The following RBPJ variants were observed in gnomAD, a reference collection of about 807,000 sequenced individuals.
RBPJ encodes recombining binding protein suppressor of hairless.
In RBPJ, 9 loss-of-function variants were observed where a neutral mutation model predicts 67.8. That is an observed-to-expected ratio of 0.13 (90% CI 0.08 to 0.23). The LOEUF is 0.23. RBPJ is among the 10% of genes least tolerant of loss of function. The probability of loss-of-function intolerance (pLI) is 1.00; values close to 1 mark genes in which losing one functional copy is unlikely to be tolerated. For synonymous variants in RBPJ, 198 were observed against 203.3 expected (o/e 0.97, Z 0.22); for missense variants, 305 against 595.6 (o/e 0.51, Z 5.08).
chr4:26,391,461 C>A lies in RBPJ; in HGVS notation c.59+5070C>A, dbSNP rs139051991. ...GGATATCCATTCCTCCTTCAACCCACCCCCCACACACAAAGTAACTACAGT... is the reference window on the plus strand; with the variant it reads ...GGATATCCATTCCTCCTTCAACCCAACCCCCACACACAAAGTAACTACAGT... On this transcript the variant is annotated intron_variant, in intron 2 of 10. Coordinates refer to ENST00000355476, the MANE Select transcript of RBPJ (RefSeq NM_015874.6). Among the ~76,000 whole-genome samples the A allele has an allele frequency of 1.7e-3, 263 of 151,970 alleles. 3 individuals carry two copies. Among genetic ancestry groups the A allele is most frequent in the African/African-American group, 6.2e-3 (257 of 41,434 alleles).
chr4:26,290,317 TAAAAAA>T (rs35451160), intron 1 of RBPJ, among the ~76,000 whole-genome samples: 2 of 109,370 alleles, frequency 1.8e-5, no homozygotes, highest in Non-Finnish European at 3.7e-5. Flanking sequence ...AGACCCTGTC[TAAAAAA>T]AAAAAAAAAA....
upstream of RBPJ, chr4:26,319,690 C>T: frequency 4.4e-6 from 3 of 680,340 alleles, no homozygotes; most frequent in East Asian, 8.3e-5. Flanking sequence ...GGAGGTGTAG[C>T]GTGAGACTGG....
intron 2 of RBPJ, among the ~76,000 whole-genome samples, chr4:26,393,112 G>A (rs1336931404): frequency 6.6e-6 from 1 of 152,160 alleles, no homozygotes; most frequent in Non-Finnish European, 1.5e-5. Context: ...TTCCCAAGGT[G>A]CTGGGATTAC....
intron 1 of RBPJ, among the ~76,000 whole-genome samples, chr4:26,246,712 C>T (rs957327387): frequency 2.6e-5 from 4 of 152,130 alleles, no homozygotes; most frequent in Non-Finnish European, 5.9e-5. Context: ...TCTCTAAAAG[C>T]AGTAACAAAT....
At chr4:26,205,126 G>C (rs1273621448) in intron 1 of RBPJ, among the ~76,000 whole-genome samples, 2 of 152,210 alleles carry the variant, frequency 1.3e-5, no homozygotes, top group Non-Finnish European at 2.9e-5. Flanking sequence ...AGGAGCACAG[G>C]AAGAGGGCCA....
At chr4:26,388,153 A>G (rs1479679649) in intron 2 of RBPJ, among the ~76,000 whole-genome samples, 4 of 152,080 alleles carry the variant, frequency 2.6e-5, no homozygotes, top group Non-Finnish European at 5.9e-5. Flanking sequence ...GAACATTAAA[A>G]CAGTAAATTT....
intron 1 of RBPJ, among the ~76,000 whole-genome samples, chr4:26,293,095 G>C (rs1721726562): frequency 6.6e-6 from 1 of 150,392 alleles, no homozygotes; most frequent in African/African-American, 2.4e-5. Context: ...GAGTAGGCTG[G>C]AAAGGTAAGC....
intron 1 of RBPJ, among the ~76,000 whole-genome samples, chr4:26,276,472 C>T (rs1464328084): frequency 6.6e-6 from 1 of 152,094 alleles, no homozygotes; most frequent in Non-Finnish European, 1.5e-5. Context: ...TTGCATGCTA[C>T]ATGTCCCAAT....
intron 3 of RBPJ, among the ~76,000 whole-genome samples, chr4:26,411,632 A>G (rs1438280691): frequency 2.6e-5 from 4 of 151,072 alleles, no homozygotes; most frequent in Non-Finnish European, 5.9e-5. Flanking sequence ...TCTTATATTT[A>G]TTACATGATT....
intron 1 of RBPJ, among the ~76,000 whole-genome samples, chr4:26,202,843 A>G (rs1049400759): frequency 6.6e-6 from 1 of 151,826 alleles, no homozygotes; most frequent in Admixed American, 6.6e-5. Flanking sequence ...CAGGAGGTGG[A>G]GGTTGCAGTG....
At chr4:26,159,638 G>A (rs1292408357), upstream of RBPJ, among the ~76,000 whole-genome samples, 3 of 152,214 alleles carry the variant, frequency 2.0e-5, no homozygotes, top group East Asian at 5.8e-4. Context: ...CCTTCAGCGT[G>A]TTTATAGTAC....
In RBPJ at chr4:26,331,187, A is replaced by G. The variant is rs972395308; in HGVS notation, c.20+10139A>G. Among the ~76,000 whole-genome samples the G allele has an allele frequency of 9.9e-5, 15 of 152,268 alleles. No individual in the cohort carries two copies. In the East Asian group the frequency reaches 2.9e-3, roughly 29 times the overall value. Reference sequence around the variant, plus strand: ...GCTGTCATGGCTCACTGCAGCCTCAATCTCCCGAGCTCGTAATCATCCCAC... The same window carrying G: ...GCTGTCATGGCTCACTGCAGCCTCAGTCTCCCGAGCTCGTAATCATCCCAC... On this transcript the variant is annotated intron_variant, in intron 1 of 10. Transcript: ENST00000355476.
chr4:26,124,230 A>G, the RBPJ span, among the ~76,000 whole-genome samples: 1 of 151,502 alleles, frequency 6.6e-6, no homozygotes. Flanking sequence ...TGAGTCCCCA[A>G]AGTCCATTGT....
chr4:26,424,422 G>C lies in RBPJ; in HGVS notation c.577G>C (p.Glu193Gln). The C allele has an allele frequency of 1.9e-6, 3 of 1,614,038 alleles. No homozygotes were observed. Among genetic ancestry groups the C allele is most frequent in the Non-Finnish European group, 2.5e-6 (3 of 1,179,908 alleles). ...QTVSTRYLHV[E>Q]GGNFHASSQQ... is the part of the protein sequence containing the mutation. The stretch of plus-strand genomic sequence containing the variant: ...AGTTAGTACCAGATACTTGCATGTA[G>C]AAGGAGGTAATTTTCATGCCAGTTC... Residue 193 changes from glutamate to glutamine, a missense_variant, in exon 6 of 11, where the codon GAA becomes CAA. Physicochemically the swap from Glu to Gln is conservative, Grantham distance 29 (BLOSUM62 2). This residue lies in a region of RBPJ where 66 missense variants were observed against 226.0 expected (regional missense o/e 0.29). Coordinates refer to ENST00000355476, the MANE Select transcript of RBPJ (RefSeq NM_015874.6). This position sits in a 1 kb window ranked among gnomAD's most constrained non-coding sequence, Gnocchi z 5.3.
intron 1 of RBPJ, among the ~76,000 whole-genome samples, chr4:26,334,187 C>T (rs1031160643): frequency 7.2e-5 from 11 of 151,734 alleles, no homozygotes; most frequent in Admixed American, 2.0e-4. Flanking sequence ...ATTATAGGCG[C>T]CCACCACAAT....
the RBPJ span, among the ~76,000 whole-genome samples, chr4:26,155,434 CTTTTTTT>C: frequency 1.5e-5 from 2 of 131,654 alleles, no homozygotes; most frequent in African/African-American, 5.6e-5. Flanking sequence ...CTCTCTCTCT[CTTTTTTT>C]TTTTTTTTTT....
At chr4:26,215,936 A>T (rs2109183814) in intron 1 of RBPJ, among the ~76,000 whole-genome samples, 1 of 152,274 alleles carries the variant, frequency 6.6e-6, no homozygotes, top group East Asian at 1.9e-4. Context: ...TCACCAGCTG[A>T]GTGGCTTAAA....
chr4:26,243,785 T>A (rs929113813), intron 1 of RBPJ, among the ~76,000 whole-genome samples: 1 of 152,182 alleles, frequency 6.6e-6, no homozygotes, highest in African/African-American at 2.4e-5. Flanking sequence ...CATATTTATC[T>A]TAAAAGCTAT....
chr4:26,324,401 A>AGTGTGTGTGTGTGTGTGT (rs56655194), intron 1 of RBPJ, among the ~76,000 whole-genome samples: 1 of 149,972 alleles, frequency 6.7e-6, no homozygotes, highest in African/African-American at 2.4e-5. Flanking sequence ...GTCGTGTGTG[A>AGTGTGTGTGTGTGTGTGT]GTGTGTGTGT....
Sources: allele counts gnomAD v4.1 joint callset (sites outside exome capture counted in the v4.1 genomes callset), GRCh38; gene constraint gnomAD v4.1.1; regional missense constraint gnomAD v4.1.1; non-coding constraint Gnocchi (gnomAD v3.1); transcripts MANE v1.5; gene names NCBI Gene and HGNC (gene_info 2026-07-23, HGNC 2026-07-21).